PLCE1: variants seen among roughly 807,000 people sequenced by gnomAD.
The protein encoded by PLCE1 is 1-phosphatidylinositol 4,5-bisphosphate phosphodiesterase epsilon-1.
PLCE1 carries 119 observed loss-of-function variants against 242.8 expected under a neutral mutation model. The ratio of observed to expected loss-of-function variants is 0.49; its 90% CI spans 0.42 to 0.57. The LOEUF (loss-of-function observed/expected upper bound fraction) is 0.57, where lower values mean the gene tolerates loss of function less well. PLCE1 is among the 20% of genes least tolerant of loss of function. The pLI is 0.00. For missense variants in PLCE1, 2,441 were observed against 2,788.8 expected (o/e 0.88, Z 2.81); for synonymous variants, 945 against 1,017.4 (o/e 0.93, Z 1.35).
chr10:94,021,819 AT>A (rs1234904691), intron 1 of PLCE1, among the ~76,000 whole-genome samples: 1 of 152,182 alleles, frequency 6.6e-6, no homozygotes, highest in Non-Finnish European at 1.5e-5. Context: ...GAAAAATCAT[AT>A]TATCTCACTA....
intron 4 of PLCE1, among the ~76,000 whole-genome samples, chr10:94,218,066 T>A (rs1386552783): frequency 6.6e-6 from 1 of 152,202 alleles, no homozygotes; most frequent in Non-Finnish European, 1.5e-5. Context: ...AATTTCATAA[T>A]GATGCATCTT....
intron 1 of PLCE1, among the ~76,000 whole-genome samples, chr10:94,016,186 A>G (rs2061277442): frequency 6.6e-6 from 1 of 152,046 alleles, no homozygotes; most frequent in East Asian, 1.9e-4. Flanking sequence ...CTATTTATGT[A>G]GGTTTTATTA....
At chr10:94,098,108 G>T (rs933630418) in intron 2 of PLCE1, among the ~76,000 whole-genome samples, 1 of 152,174 alleles carries the variant, frequency 6.6e-6, no homozygotes, top group Non-Finnish European at 1.5e-5. Context: ...GTACATTTAG[G>T]ACCCTTAGGA....
intron 4 of PLCE1, among the ~76,000 whole-genome samples, chr10:94,180,072 G>A (rs2136431322): frequency 6.6e-6 from 1 of 150,778 alleles, no homozygotes; most frequent in East Asian, 1.9e-4. Flanking sequence ...TGAATGACCT[G>A]TGGTTTCAGA....
intron 2 of PLCE1, among the ~76,000 whole-genome samples, chr10:94,116,355 G>T (rs1037000587): frequency 6.6e-6 from 1 of 152,192 alleles, no homozygotes; most frequent in East Asian, 1.9e-4. Flanking sequence ...AATGGGAAAA[G>T]GATCCATGGC....
intron 1 of PLCE1, among the ~76,000 whole-genome samples, chr10:94,009,352 A>G (rs2061119988): frequency 1.3e-5 from 2 of 152,208 alleles, no homozygotes; most frequent in Admixed American, 6.5e-5. Flanking sequence ...TGAGGGATCC[A>G]TCCCCATGAT....
Position 94,025,048 on chromosome 10 carries a change from G to A in PLCE1, c.-364-5635G>A, listed in dbSNP as rs553792169. Among the ~76,000 whole-genome samples, 57 of 152,058 alleles carry A rather than the reference G, an allele frequency of 3.7e-4. 1 individual carries two copies. Among genetic ancestry groups the A allele is most frequent in the African/African-American group, 1.3e-3 (53 of 41,500 alleles). On this transcript the variant is annotated intron_variant, in intron 1 of 32. Coordinates refer to ENST00000371380, the MANE Select transcript of PLCE1 (RefSeq NM_016341.4). ...CCTAAGTCCCGGAAACAGGCAGTCAGGTTTCTATCTTGTTTTTTTTTTCCT... is the reference window on the plus strand; with the variant it reads ...CCTAAGTCCCGGAAACAGGCAGTCAAGTTTCTATCTTGTTTTTTTTTTCCT...
At chr10:94,310,664 G>T (rs565482534) in intron 27 of PLCE1, among the ~76,000 whole-genome samples, 1 of 152,256 alleles carries the variant, frequency 6.6e-6, no homozygotes, top group African/African-American at 2.4e-5. Flanking sequence ...ACCCAATTCT[G>T]AGCTGGGTGA....
chr10:94,082,812 A>T lies in PLCE1; in HGVS notation c.1207-49362A>T, dbSNP rs56288389. On this transcript the variant is annotated intron_variant, in intron 2 of 32. Transcript: ENST00000371380. ...TATAATATCATCCAAGCAATAAAAT[A>T]ATTAGGAGTAAATTTATCAAAAAAG... Among the ~76,000 whole-genome samples the T allele has an allele frequency of 7.5e-4, 115 of 152,344 alleles. 1 individual carries two copies. The highest frequency in any genetic ancestry group is 2.7e-3 in the African/African-American group (113 of 41,584).
At chr10:94,054,469 G>A (rs138986857) in intron 2 of PLCE1, among the ~76,000 whole-genome samples, 493 of 152,272 alleles carry the variant, frequency 3.2e-3, no homozygotes, top group African/African-American at 0.011. Flanking sequence ...GGAAGGATTG[G>A]AGTTTCTGGA....
At chr10:94,168,191 A>G (rs1017116596) in intron 3 of PLCE1, among the ~76,000 whole-genome samples, 1 of 152,176 alleles carries the variant, frequency 6.6e-6, no homozygotes, top group African/African-American at 2.4e-5. Context: ...GTTGTTAGAG[A>G]GCAAGGCCCA....
chr10:94,084,833 G>A lies in PLCE1; in HGVS notation c.1207-47341G>A, dbSNP rs74151022. On this transcript the variant is annotated intron_variant, in intron 2 of 32. Transcript: ENST00000371380. ...GCTAAATGCAGTGACCAGCAATTGC[G>A]GCTTCCTTCAAACAAGTCAGGTCTC... is the stretch of plus-strand genomic sequence containing the variant. Among the ~76,000 whole-genome samples, 117 of 152,210 alleles carry A rather than the reference G, an allele frequency of 7.7e-4. 1 individual carries two copies. The highest frequency in any genetic ancestry group is 2.7e-3 in the African/African-American group (114 of 41,534).
chr10:94,255,914 A>ACTCTCTCTCTCTCTCTCT (rs111704161), intron 11 of PLCE1, among the ~76,000 whole-genome samples: 2 of 67,290 alleles, frequency 3.0e-5, no homozygotes, highest in Non-Finnish European at 2.8e-5. Context: ...ACACACACAC[A>ACTCTCTCTCTCTCTCTCT]CTCTCTCTCT....
chr10:94,254,904 A>G lies in PLCE1; in HGVS notation c.3409A>G (p.Ile1137Val), dbSNP rs2051011643. Residue 1137 changes from isoleucine (I) to valine (V), a missense_variant, in exon 11 of 33, where the codon ATC becomes GTC. Ile to Val is a conservative substitution (Grantham distance 29, BLOSUM62 3). This residue lies in a region of PLCE1 where 1,004 missense variants were observed against 1,322.7 expected (regional missense o/e 0.76). Coordinates refer to ENST00000371380, the MANE Select transcript of PLCE1 (RefSeq NM_016341.4). ...NEQEESEVNAIANPPNPLPSR... is the reference protein window; with the variant it reads ...NEQEESEVNAVANPPNPLPSR... Reference sequence around the variant, plus strand: ...TTTCATCCTCACAGAGGTGAATGCCATCGCTAACCCTCCAAACCCCCTCCC... The same window carrying G: ...TTTCATCCTCACAGAGGTGAATGCCGTCGCTAACCCTCCAAACCCCCTCCC... 1 of 1,613,992 alleles carries G rather than the reference A, an allele frequency of 6.2e-7. No individual in the cohort carries two copies. The highest frequency in any genetic ancestry group is 8.5e-7 in the Non-Finnish European group (1 of 1,179,976).
intron 14 of PLCE1, among the ~76,000 whole-genome samples, chr10:94,262,975 G>A (rs2051362371): frequency 2.0e-5 from 3 of 151,180 alleles, no homozygotes; most frequent in Non-Finnish European, 4.4e-5. Context: ...AGGTTCAAAC[G>A]ATTCTCCTGC....
chr10:94,296,091 G>C (rs1264327391), intron 23 of PLCE1, among the ~76,000 whole-genome samples: 1 of 152,170 alleles, frequency 6.6e-6, no homozygotes, highest in African/African-American at 2.4e-5. Context: ...GGCCGGGTGT[G>C]GTGGCTCATG....
At chr10:94,230,595 G>A (rs548975854) in intron 5 of PLCE1, among the ~76,000 whole-genome samples, 28 of 150,582 alleles carry the variant, frequency 1.9e-4, no homozygotes, top group African/African-American at 6.3e-4. Context: ...AAAGTGCTAG[G>A]ATTACAGGCA....
At chr10:94,201,864 A>T (rs367969708) in intron 4 of PLCE1, among the ~76,000 whole-genome samples, 4 of 152,196 alleles carry the variant, frequency 2.6e-5, no homozygotes, top group East Asian at 3.8e-4. Flanking sequence ...ATTGCTGTTC[A>T]TTGAGATACC....
chr10:94,007,206 T>G (rs1414068678), intron 1 of PLCE1, among the ~76,000 whole-genome samples: 1 of 151,970 alleles, frequency 6.6e-6, no homozygotes, highest in Admixed American at 6.6e-5. Context: ...TTCTACATCG[T>G]GTGTTGGCTC....
Sources: allele counts gnomAD v4.1 joint callset (sites outside exome capture counted in the v4.1 genomes callset), GRCh38; gene constraint gnomAD v4.1.1; regional missense constraint gnomAD v4.1.1; transcripts MANE v1.5; gene names NCBI Gene and HGNC (gene_info 2026-07-23, HGNC 2026-07-21).